PCDH15: variants seen among roughly 807,000 people sequenced by gnomAD.
The protein encoded by PCDH15 is protocadherin-15.
Under a neutral mutation model 178.5 loss-of-function variants are expected in PCDH15, and 129 were observed. The ratio of observed to expected loss-of-function variants is 0.72; its 90% CI spans 0.63 to 0.84. The LOEUF is 0.84. PCDH15 is among the 40% of genes least tolerant of loss of function. The probability of loss-of-function intolerance (pLI) is 0.00; values close to 1 mark genes in which losing one functional copy is unlikely to be tolerated. For missense variants in PCDH15, 2,230 were observed against 2,099.9 expected, an observed-to-expected ratio of 1.06 and a Z score of -1.21; for synonymous variants, 800 against 732.0, an observed-to-expected ratio of 1.09 and a Z score of -1.50.
chr10:54,271,676 G>C (rs145146113), intron 8 of PCDH15, among the ~76,000 whole-genome samples: 1,567 of 152,186 alleles, frequency 0.01, 22 homozygotes, highest in South Asian at 0.065. Flanking sequence ...AATAGAGGAA[G>C]TATAAAAGAT....
At chr10:55,196,226 T>A (rs1840089893) in intron 1 of PCDH15, among the ~76,000 whole-genome samples, 3 of 152,066 alleles carry the variant, frequency 2.0e-5, no homozygotes, top group Non-Finnish European at 4.4e-5. Flanking sequence ...TTTTTTTCCA[T>A]CATCCCAGTC....
At chr10:54,982,059 T>C (rs955611727) in intron 2 of PCDH15, among the ~76,000 whole-genome samples, 2 of 152,132 alleles carry the variant, frequency 1.3e-5, no homozygotes, top group Non-Finnish European at 2.9e-5. Flanking sequence ...AGTGAGCCAC[T>C]GCACCTGGCC....
chr10:55,232,201 G>C (rs994294859), intron 1 of PCDH15, among the ~76,000 whole-genome samples: 1 of 139,158 alleles, frequency 7.2e-6, no homozygotes, highest in Non-Finnish European at 1.6e-5. Flanking sequence ...TTAATATAAG[G>C]ACTCATATGT....
chr10:53,969,193 G>A (rs1285142762), intron 21 of PCDH15, among the ~76,000 whole-genome samples: 3 of 152,258 alleles, frequency 2.0e-5, no homozygotes, highest in Admixed American at 6.5e-5. Flanking sequence ...ACCATGGCAC[G>A]AGAACTATCT....
chr10:54,307,028 A>ATATATGTG lies in PCDH15; in HGVS notation c.876+10242_876+10243insCACATATA, dbSNP rs1367457752. 5.2e-4 allele frequency among the ~76,000 whole-genome samples: 16 copies of ATATATGTG among 30,726 alleles called. 1 individual carries two copies. Among genetic ancestry groups the ATATATGTG allele is most frequent in the African/African-American group, 1.9e-3 (16 of 8,272 alleles). The allele number at this position is 30,726 out of a possible 152,430, so 20.2% of individuals were successfully genotyped here. A position where few individuals can be genotyped will look rare whatever the true frequency, so the allele number is the denominator to read the frequency against. Reference sequence around the variant, plus strand: ...TATATATATATACATATATATATATATGTGTGTGTGTGTATATATATATAT... The same window carrying ATATATGTG: ...TATATATATATACATATATATATATATATATGTGTGTGTGTGTGTGTATATATATATAT... On this transcript the variant is annotated intron_variant, in intron 8 of 37. Transcript: ENST00000644397.
rs1328450440 is a variant in PCDH15, at chr10:55,077,465, TTTCC to T, written c.-80+89107_-80+89110del. Among the ~76,000 whole-genome samples the T allele has an allele frequency of 2.9e-5, 4 of 137,200 alleles. No homozygotes were observed. The South Asian group carries it at 6.9e-4, about 24-fold the overall frequency. 90.0% of individuals were successfully genotyped at this position (137,200 alleles called of 152,430 possible). Reference sequence around the variant, plus strand: ...TTCCTTCCTTCCCTTCCTTCCTTCCTTTCCTTCCTTCTTTCCTTTCCTTCCTTCT... The same window carrying T: ...TTCCTTCCTTCCCTTCCTTCCTTCCTTTCCTTCTTTCCTTTCCTTCCTTCT... On this transcript the variant is annotated intron_variant, in intron 2 of 5. Transcript: ENST00000458638.
chr10:55,013,399 G>A (rs1011395320), intron 2 of PCDH15, among the ~76,000 whole-genome samples: 4 of 134,358 alleles, frequency 3.0e-5, no homozygotes, highest in Admixed American at 7.5e-5. Flanking sequence ...GCAAGAATTG[G>A]CACCTGGTTA....
intron 2 of PCDH15, among the ~76,000 whole-genome samples, chr10:55,083,322 T>G (rs1003899656): frequency 2.0e-5 from 3 of 151,976 alleles, no homozygotes; most frequent in African/African-American, 7.2e-5. Flanking sequence ...TTTCAATTGA[T>G]GCTGAAATAC....
intron 26 of PCDH15, among the ~76,000 whole-genome samples, chr10:53,888,318 G>GTATATATATGTATTTACATATATA (rs1238264864): frequency 1.1e-5 from 1 of 91,824 alleles, no homozygotes; most frequent in Non-Finnish European, 1.9e-5. Context: ...ATGTATATAT[G>GTATATATATGTATTTACATATATA]TACGTATATA....
intron 18 of PCDH15, among the ~76,000 whole-genome samples, chr10:54,025,030 C>G (rs1160111388): frequency 6.6e-6 from 1 of 152,040 alleles, no homozygotes; most frequent in South Asian, 2.1e-4. Flanking sequence ...ATCATTTATG[C>G]AATTAGAAAT....
chr10:54,775,074 G>T (rs755625211), intron 1 of PCDH15, among the ~76,000 whole-genome samples: 11 of 152,050 alleles, frequency 7.2e-5, no homozygotes, highest in African/African-American at 2.4e-4. Flanking sequence ...TATTATAAAA[G>T]AATTATGAGG....
At chr10:54,517,541 G>T (rs1179892286) in intron 3 of PCDH15, among the ~76,000 whole-genome samples, 1 of 151,852 alleles carries the variant, frequency 6.6e-6, no homozygotes, top group Non-Finnish European at 1.5e-5. Context: ...CCCAATACAG[G>T]AGCACCCAGA....
At chr10:54,674,985 CT>C (rs1331337949) in intron 1 of PCDH15, among the ~76,000 whole-genome samples, 2 of 152,008 alleles carry the variant, frequency 1.3e-5, no homozygotes, top group Non-Finnish European at 2.9e-5. Context: ...ACACTAAGAA[CT>C]TTAGTCTCTT....
At chr10:54,758,557 A>G (rs1428957251) in intron 1 of PCDH15, among the ~76,000 whole-genome samples, 1 of 152,204 alleles carries the variant, frequency 6.6e-6, no homozygotes, top group Non-Finnish European at 1.5e-5. Context: ...ATATGTATAT[A>G]ATTTTGAGTA....
In PCDH15 at chr10:54,346,475, C is replaced by A. The variant is rs1372456039; in HGVS notation, c.484G>T (p.Val162Phe). The A allele has an allele frequency of 1.2e-6, 2 of 1,613,630 alleles. No homozygotes were observed. The highest frequency in any genetic ancestry group is 2.7e-5 in the African/African-American group (2 of 74,894). ...YYATVNELTP[V>F]GTTIFTGFSG... ...AATCCTGTGAATATTGTGGTACCAA[C>A]TGGAGTGAGCTGAAAGGAAAAAAGA... is the stretch of plus-strand genomic sequence containing the variant. Residue 162 changes from valine (V) to phenylalanine (F), a missense_variant, in exon 6 of 38, where the codon GTT becomes TTT. Coordinates refer to ENST00000644397, the MANE Select transcript of PCDH15 (RefSeq NM_001384140.1).
At chr10:54,611,939 T>C (rs969878281) in intron 2 of PCDH15, among the ~76,000 whole-genome samples, 1 of 151,862 alleles carries the variant, frequency 6.6e-6, no homozygotes, top group Non-Finnish European at 1.5e-5. Context: ...TCCTCTTCTA[T>C]TGTTCAAAGA....
intron 3 of PCDH15, among the ~76,000 whole-genome samples, chr10:54,510,616 C>G (rs1453747409): frequency 1.3e-5 from 2 of 152,100 alleles, no homozygotes; most frequent in Non-Finnish European, 2.9e-5. Flanking sequence ...TCTTCAGGAA[C>G]AAAATTTCAG....
intron 2 of PCDH15, among the ~76,000 whole-genome samples, chr10:54,999,284 A>T (rs1839734089): frequency 7.4e-6 from 1 of 135,458 alleles, no homozygotes; most frequent in Non-Finnish European, 1.6e-5. Context: ...AGCTTTGAGG[A>T]TTCTGGAAAT....
rs35951831 is a variant in PCDH15, at chr10:54,503,225, ATGTGTGTG to A, written c.157+24579_157+24586del. 2.0e-3 allele frequency among the ~76,000 whole-genome samples: 169 copies of A among 83,772 alleles called. 2 individuals are homozygous for A. Among genetic ancestry groups the A allele is most frequent in the Admixed American group, 5.5e-3 (36 of 6,526 alleles). 55.0% of individuals were successfully genotyped at this position (83,772 alleles called of 152,430 possible). ...AATCCCAGGCCAAATATACATATAT[ATGTGTGTG>A]TGTGTGTGTGTGTGTGTGTGTGTGT... is the stretch of plus-strand genomic sequence containing the variant. On this transcript the variant is annotated intron_variant, in intron 3 of 37. Coordinates refer to ENST00000644397, the MANE Select transcript of PCDH15 (RefSeq NM_001384140.1).
Sources: allele counts gnomAD v4.1 joint callset (sites outside exome capture counted in the v4.1 genomes callset), GRCh38; gene constraint gnomAD v4.1.1; transcripts MANE v1.5; gene names NCBI Gene and HGNC (gene_info 2026-07-23, HGNC 2026-07-21).